NTM: variants seen among roughly 807,000 people sequenced by gnomAD.
The protein encoded by NTM is neurotrimin.
In NTM, 13 loss-of-function variants were observed where a neutral mutation model predicts 42.1. The ratio of observed to expected loss-of-function variants is 0.31; its 90% CI spans 0.20 to 0.49. The LOEUF (loss-of-function observed/expected upper bound fraction) is 0.49. Ranked by LOEUF, NTM falls within the 20% of genes least tolerant of loss-of-function variation. The pLI is 0.99. For missense variants in NTM, 373 were observed against 452.8 expected (o/e 0.82, Z 1.60); for synonymous variants, 187 against 179.2 (o/e 1.04, Z -0.35).
intron 1 of NTM, among the ~76,000 whole-genome samples, chr11:131,557,212 T>C (rs1259083221): frequency 6.6e-6 from 1 of 152,200 alleles, no homozygotes; most frequent in East Asian, 1.9e-4. Flanking sequence ...TAGGTTGCTA[T>C]GTATGTCTCA....
intron 3 of NTM, among the ~76,000 whole-genome samples, chr11:132,151,285 A>G (rs920842589): frequency 6.6e-6 from 1 of 152,234 alleles, no homozygotes; most frequent in African/African-American, 2.4e-5. Flanking sequence ...CAAGTTAAGG[A>G]CAGCTTGAGA....
intron 7 of NTM, among the ~76,000 whole-genome samples, chr11:132,317,025 G>A (rs186526376): frequency 3.9e-4 from 59 of 152,288 alleles, no homozygotes; most frequent in African/African-American, 1.3e-3. Flanking sequence ...TAAACTGCAC[G>A]CTCTCTCCAA....
chr11:132,176,690 C>A (rs144552960), intron 3 of NTM, among the ~76,000 whole-genome samples: 2 of 132,082 alleles, frequency 1.5e-5, no homozygotes, highest in East Asian at 4.3e-4. Context: ...ATTTTAGCCT[C>A]TGTGAATCCT....
At chr11:131,737,090 G>A (rs73035809) in intron 1 of NTM, among the ~76,000 whole-genome samples, 3,875 of 152,260 alleles carry the variant, frequency 0.025, 61 homozygotes, top group Non-Finnish European at 0.038. Context: ...AAGCTGTCAG[G>A]CTAATGGTGT....
chr11:131,570,817 G>A (rs777427633), intron 1 of NTM, among the ~76,000 whole-genome samples: 12 of 152,344 alleles, frequency 7.9e-5, no homozygotes, highest in East Asian at 1.9e-4. Flanking sequence ...GGGAGACTCC[G>A]TCTCAAAAGT....
intron 2 of NTM, among the ~76,000 whole-genome samples, chr11:132,046,397 A>AC (rs1392704901): frequency 2.7e-5 from 4 of 150,412 alleles, no homozygotes; most frequent in Non-Finnish European, 5.9e-5. Context: ...AAAAAAAAAA[A>AC]CCCACCCCTT....
intron 2 of NTM, among the ~76,000 whole-genome samples, chr11:132,032,739 C>T (rs962931288): frequency 5.3e-5 from 8 of 152,144 alleles, no homozygotes; most frequent in South Asian, 2.1e-4. Context: ...CTGATTCAAT[C>T]GGTATCTCCT....
At chr11:131,398,062 T>C (rs1404277172) in intron 1 of NTM, among the ~76,000 whole-genome samples, 1 of 152,246 alleles carries the variant, frequency 6.6e-6, no homozygotes, top group African/African-American at 2.4e-5. Context: ...CACTGTGTCA[T>C]CTGATTCTTT....
At chr11:131,612,931 T>C (rs2061580342) in intron 1 of NTM, among the ~76,000 whole-genome samples, 2 of 152,166 alleles carry the variant, frequency 1.3e-5, no homozygotes. Context: ...TTTGTAATAG[T>C]CACAGTGCAG....
intron 4 of NTM, among the ~76,000 whole-genome samples, chr11:132,271,503 A>C (rs552168544): frequency 6.6e-6 from 1 of 152,186 alleles, no homozygotes; most frequent in Non-Finnish European, 1.5e-5. Flanking sequence ...ACCATTGTAC[A>C]TTCTCACTTT....
chr11:131,542,645 C>G (rs2053431075), intron 1 of NTM, among the ~76,000 whole-genome samples: 1 of 152,200 alleles, frequency 6.6e-6, no homozygotes, highest in Non-Finnish European at 1.5e-5. Context: ...TATCAGCTCC[C>G]TCTACTTCTC....
intron 1 of NTM, among the ~76,000 whole-genome samples, chr11:131,868,776 T>A (rs2047473843): frequency 6.6e-6 from 1 of 152,210 alleles, no homozygotes; most frequent in South Asian, 2.1e-4. Flanking sequence ...GCTGTCCTGA[T>A]GACATCAGCA....
chr11:131,511,823 C>T (rs760463183), intron 1 of NTM, among the ~76,000 whole-genome samples: 1 of 152,184 alleles, frequency 6.6e-6, no homozygotes, highest in Non-Finnish European at 1.5e-5. Context: ...GGCATTTGCT[C>T]AATCCCATTG....
intron 4 of NTM, among the ~76,000 whole-genome samples, chr11:132,276,421 G>C (rs999574764): frequency 6.6e-6 from 1 of 152,090 alleles, no homozygotes; most frequent in South Asian, 2.1e-4. Flanking sequence ...ATTTATAGAG[G>C]ATTGCTTGCA....
At chr11:131,378,169 C>T (rs935241676) in intron 1 of NTM, among the ~76,000 whole-genome samples, 2 of 152,206 alleles carry the variant, frequency 1.3e-5, no homozygotes, top group Non-Finnish European at 2.9e-5. Flanking sequence ...TTTAAGAGCT[C>T]TCCAAGAAGG....
chr11:131,797,515 T>C (rs74954974), intron 1 of NTM, among the ~76,000 whole-genome samples: 2,986 of 152,324 alleles, frequency 0.02, 53 homozygotes, highest in Middle Eastern at 0.034. Context: ...TGCAAAGATA[T>C]GCCTTTTCCT....
chr11:131,484,216 C>T (rs1180505125), intron 1 of NTM, among the ~76,000 whole-genome samples: 1 of 152,038 alleles, frequency 6.6e-6, no homozygotes, highest in Admixed American at 6.5e-5. Flanking sequence ...ATGGCAATTG[C>T]TTTATGCCAG....
intron 1 of NTM, among the ~76,000 whole-genome samples, chr11:131,854,902 G>A (rs1170569426): frequency 6.6e-6 from 1 of 152,112 alleles, no homozygotes. Flanking sequence ...CTAAAAGATT[G>A]TTCAAACTGC....
At chr11:131,619,669 T>G (rs537299913) in intron 1 of NTM, among the ~76,000 whole-genome samples, 15 of 152,226 alleles carry the variant, frequency 9.9e-5, no homozygotes, top group Middle Eastern at 3.4e-3. Flanking sequence ...CGCAAATTTT[T>G]CATGAAAAGG....
Sources: gnomAD v4.1 joint callset for allele counts (sites outside exome capture counted in the v4.1 genomes callset) on GRCh38, gnomAD v4.1.1 for gene constraint, MANE v1.5 for transcripts, NCBI Gene and HGNC (gene_info 2026-07-23, HGNC 2026-07-21) for gene names.